The following TPO variants were observed in gnomAD, a reference collection of about 807,000 sequenced individuals.
TPO encodes thyroid peroxidase.
In TPO, 78 loss-of-function variants were observed where a neutral mutation model predicts 96.9. The observed-to-expected ratio is 0.81, with a 90% CI of 0.67 to 0.97. The LOEUF (loss-of-function observed/expected upper bound fraction) is 0.97. Ranked by LOEUF, TPO falls within the 50% of genes least tolerant of loss-of-function variation. The pLI, the probability that TPO is intolerant of heterozygous loss-of-function variation, is 0.00. For synonymous variants in TPO, 547 were observed against 538.0 expected, an observed-to-expected ratio of 1.02 and a Z score of -0.23; for missense variants, 1,252 against 1,274.8, an observed-to-expected ratio of 0.98 and a Z score of 0.27.
At chr2:1,450,293 C>T (rs1257504147) in intron 5 of TPO, among the ~76,000 whole-genome samples, 5 of 152,154 alleles carry the variant, frequency 3.3e-5, no homozygotes, top group African/African-American at 9.7e-5. Context: ...TATGCTCAAG[C>T]GCTCTTCAAG....
intron 7 of TPO, among the ~76,000 whole-genome samples, chr2:1,463,958 C>A (rs756793776): frequency 6.6e-6 from 1 of 152,112 alleles, no homozygotes; most frequent in Non-Finnish European, 1.5e-5. Flanking sequence ...TGAGTAAGTT[C>A]TTTAGTGGTG....
intron 10 of TPO, among the ~76,000 whole-genome samples, chr2:1,492,545 C>T (rs1372502683): frequency 6.6e-6 from 1 of 152,208 alleles, no homozygotes; most frequent in African/African-American, 2.4e-5. Context: ...TGTTCCCACC[C>T]CTTTGCTCCA....
chr2:1,516,504 C>T (rs373981973), intron 14 of TPO, among the ~76,000 whole-genome samples: 14 of 152,330 alleles, frequency 9.2e-5, no homozygotes, highest in East Asian at 1.9e-4. Context: ...TTTCCCGCCC[C>T]GGTCCGAGGC....
chr2:1,448,284 C>T (rs1463738199), intron 5 of TPO, among the ~76,000 whole-genome samples: 3 of 152,224 alleles, frequency 2.0e-5, no homozygotes, highest in East Asian at 1.9e-4. Flanking sequence ...CTGTGCTCCA[C>T]GCAGCTCCTG....
At position 1,536,951 on chromosome 2, in the gene TPO, A is replaced by T. The variant is rs1323624064; in HGVS notation, c.2619-3643A>T. Among the ~76,000 whole-genome samples, 4 of 50,440 alleles carry T rather than the reference A, an allele frequency of 7.9e-5. No homozygotes were observed. The South Asian group carries it at 3.6e-3, about 45-fold the overall frequency. The allele number at this position is 50,440 out of a possible 152,430, so 33.1% of individuals were successfully genotyped here. ...TCCCCCCCAATGTGAGCAACCTCTCAAATCCCCCTGTGTGCAACCCCCCAA... is the reference window on the plus strand; with the variant it reads ...TCCCCCCCAATGTGAGCAACCTCTCTAATCCCCCTGTGTGCAACCCCCCAA... On this transcript the variant is annotated intron_variant, in intron 15 of 16. Coordinates refer to ENST00000329066, the MANE Select transcript of TPO (RefSeq NM_001206744.2).
chr2:1,531,706 C>A (rs1192279547), intron 15 of TPO, among the ~76,000 whole-genome samples: 2 of 93,502 alleles, frequency 2.1e-5, no homozygotes, highest in African/African-American at 7.9e-5. Context: ...TGCAACCTCG[C>A]CAAATCCCCC....
chr2:1,425,808 A>G (rs1440585897), intron 3 of TPO, among the ~76,000 whole-genome samples: 3 of 148,190 alleles, frequency 2.0e-5, no homozygotes, highest in South Asian at 2.2e-4. Context: ...TCAGAAGTCT[A>G]TGCTCCTTCT....
At chr2:1,438,705 G>C (rs79007266) in intron 5 of TPO, 10,196 of 656,916 alleles carry the variant, frequency 0.016, 137 homozygotes, top group Non-Finnish European at 0.021. Context: ...GGGAATCCCT[G>C]AGCAAAGCCA....
chr2:1,518,029 C>T (rs1326910213), intron 15 of TPO, among the ~76,000 whole-genome samples: 2 of 152,130 alleles, frequency 1.3e-5, no homozygotes, highest in African/African-American at 2.4e-5. Flanking sequence ...TCGCCCTCCA[C>T]CCCGGCCTTC....
At chr2:1,479,809 T>C (rs1670368786) in intron 8 of TPO, among the ~76,000 whole-genome samples, 1 of 151,692 alleles carries the variant, frequency 6.6e-6, no homozygotes, top group African/African-American at 2.4e-5. Context: ...TTTGAGACAG[T>C]CTCACTCTGT....
intron 10 of TPO, among the ~76,000 whole-genome samples, chr2:1,490,820 G>A (rs1005375884): frequency 2.0e-5 from 3 of 152,110 alleles, no homozygotes; most frequent in African/African-American, 4.8e-5. Flanking sequence ...TTTCCACTAC[G>A]CCCTGAAATC....
intron 5 of TPO, among the ~76,000 whole-genome samples, chr2:1,443,655 T>G (rs1666439955): frequency 2.9e-5 from 4 of 139,868 alleles, no homozygotes; most frequent in Non-Finnish European, 6.2e-5. Context: ...CTTGTTTGTA[T>G]GATCCAGTCA....
intron 14 of TPO, chr2:1,512,478 T>A (rs1189146794): frequency 2.0e-6 from 2 of 985,330 alleles, no homozygotes; most frequent in Non-Finnish European, 2.4e-6. Flanking sequence ...CGCTCCGCGC[T>A]GCCTTCTGGT....
rs1350985590 is a variant in TPO, at chr2:1,542,549, C to G, written c.*75C>G. 2 of 1,601,822 alleles carry G rather than the reference C, an allele frequency of 1.2e-6. No individual in the cohort carries two copies. Among genetic ancestry groups the G allele is most frequent in the Admixed American group, 1.7e-5 (1 of 57,776 alleles). On this transcript the variant is annotated 3_prime_UTR_variant, in exon 17 of 17. Transcript: ENST00000329066. ...CGTACGACTCTTTTCCAAACACAGG[C>G]AAATCCGAAATCAGCAGGACGACTG...
At chr2:1,440,681 G>A (rs943125767) in intron 5 of TPO, among the ~76,000 whole-genome samples, 1 of 152,142 alleles carries the variant, frequency 6.6e-6, no homozygotes, top group African/African-American at 2.4e-5. Context: ...ATATGGTGTA[G>A]TCAGTGCCGC....
At chr2:1,422,385 C>CCTCTCCTGGACAGACCTCGTGCA (rs1238957449) in intron 2 of TPO, among the ~76,000 whole-genome samples, 8 of 110,612 alleles carry the variant, frequency 7.2e-5, no homozygotes, top group African/African-American at 2.5e-4. Flanking sequence ...CTCGTGCAGG[C>CCTCTCCTGGACAGACCTCGTGCA]GCCGCGCTGG....
At chr2:1,508,163 T>C (rs1200797068) in intron 14 of TPO, among the ~76,000 whole-genome samples, 2 of 152,138 alleles carry the variant, frequency 1.3e-5, no homozygotes, top group Admixed American at 1.3e-4. Flanking sequence ...TTGTCTTTGA[T>C]TCTGTTTATA....
At chr2:1,375,942 G>A (rs1661716202) in intron 1 of TPO, among the ~76,000 whole-genome samples, 1 of 152,152 alleles carries the variant, frequency 6.6e-6, no homozygotes, top group Admixed American at 6.6e-5. Context: ...CTATGCATGA[G>A]GGAATGACAG....
In TPO at chr2:1,484,863, G is replaced by A; in HGVS notation, c.1597+9G>A. On this transcript the variant is annotated intron_variant, in intron 9 of 16. Coordinates refer to ENST00000329066, the MANE Select transcript of TPO (RefSeq NM_001206744.2). ...GACATTACTCCGTGGAGGTGAGTGA[G>A]TGCGGTCCCTGCAGCTGGTCCCCAT... 2 of 1,613,506 alleles carry A rather than the reference G, an allele frequency of 1.2e-6. No individual in the cohort carries two copies. The highest frequency in any genetic ancestry group is 1.7e-6 in the Non-Finnish European group (2 of 1,180,040).
Sources: gnomAD v4.1 joint callset for allele counts (sites outside exome capture counted in the v4.1 genomes callset) on GRCh38, gnomAD v4.1.1 for gene constraint, MANE v1.5 for transcripts, NCBI Gene and HGNC (gene_info 2026-07-23, HGNC 2026-07-21) for gene names.